SNX29: variants seen among roughly 807,000 people sequenced by gnomAD.
SNX29 encodes the protein sorting nexin 29.
A neutral mutation model predicts 102.1 loss-of-function variants in SNX29; 78 were observed. That is an observed-to-expected ratio of 0.76 (90% confidence interval 0.64 to 0.92). SNX29 has a LOEUF of 0.92. SNX29 is among the 40% of genes least tolerant of loss of function. The pLI, the probability that SNX29 is intolerant of heterozygous loss-of-function variation, is 0.00. For synonymous variants in SNX29, 580 were observed against 414.5 expected (o/e 1.40, Z -4.85); for missense variants, 1,280 against 1,061.7 (o/e 1.21, Z -2.86).
At position 12,554,839 on chromosome 16, in the gene SNX29, G is replaced by A. The variant is rs149796525; in HGVS notation, c.2319-13667G>A. On this transcript the variant is annotated intron_variant, in intron 20 of 20. Coordinates refer to ENST00000566228, the MANE Select transcript of SNX29 (RefSeq NM_032167.5). Reference sequence around the variant, plus strand: ...GCACCTGCTCTGTGCCATTCTTTCCGTAGGTGCCAGGGTGCTCAGGAAAGA... The same window carrying A: ...GCACCTGCTCTGTGCCATTCTTTCCATAGGTGCCAGGGTGCTCAGGAAAGA... Among the ~76,000 whole-genome samples the A allele has an allele frequency of 3.5e-4, 54 of 152,258 alleles. 1 individual carries two copies. In the East Asian group the frequency reaches 8.1e-3, roughly 23 times the overall value.
chr16:12,137,919 T>C (rs2054721605), intron 13 of SNX29, among the ~76,000 whole-genome samples: 3 of 152,224 alleles, frequency 2.0e-5, no homozygotes, highest in Admixed American at 2.0e-4. Context: ...ACACCTGCTC[T>C]GGCGGGAAAA....
chr16:12,459,839 A>AC (rs1244171899), intron 18 of SNX29, among the ~76,000 whole-genome samples: 1 of 151,876 alleles, frequency 6.6e-6, no homozygotes, highest in Non-Finnish European at 1.5e-5. Context: ...GTCCAGTAAT[A>AC]CCCCATTTCC....
chr16:12,524,737 C>T lies in SNX29; in HGVS notation c.2214C>T (p.Leu738=), dbSNP rs1226715309. The change falls in exon 20 of 21, where the codon CTC becomes CTT. Residue 738 remains leucine, a synonymous_variant. Coordinates refer to ENST00000566228, the MANE Select transcript of SNX29 (RefSeq NM_032167.5). ...TTGTGGAGGAACGGAGAAAGCAGCT[C>T]CAGAATTACCTGCGCAGCGTCATGA... is the stretch of plus-strand genomic sequence containing the variant. ...AKFVEERRKQ[L]QNYLRSVMNK... is the part of the protein sequence containing the mutation. The T allele has an allele frequency of 4.3e-6, 7 of 1,613,412 alleles. No homozygotes were observed. Among genetic ancestry groups the T allele is most frequent in the Non-Finnish European group, 5.9e-6 (7 of 1,179,754 alleles).
chr16:12,059,179 G>T (rs962542045), intron 8 of SNX29, among the ~76,000 whole-genome samples: 2 of 152,104 alleles, frequency 1.3e-5, no homozygotes, highest in African/African-American at 4.8e-5. Context: ...CATATGTTGC[G>T]GGGAAGGGTC....
In SNX29 at chr16:12,279,481, G is replaced by T. The variant is rs530944091; in HGVS notation, c.1782+1445G>T. ...CAGGCTGGGGAGGCCTGGGGACAGG[G>T]CACTCCTGTGTGCTCTCTGCCCAGT... On this transcript the variant is annotated intron_variant, in intron 15 of 20. Transcript: ENST00000566228. 1.2e-3 allele frequency among the ~76,000 whole-genome samples: 184 copies of T among 152,354 alleles called. 1 individual carries two copies. Among genetic ancestry groups the T allele is most frequent in the Middle Eastern group, 6.8e-3 (2 of 294 alleles).
intron 15 of SNX29, among the ~76,000 whole-genome samples, chr16:12,288,130 G>T (rs1217768985): frequency 6.6e-6 from 1 of 152,188 alleles, no homozygotes; most frequent in Non-Finnish European, 1.5e-5. Context: ...CAAGGCTGCA[G>T]TGAGCTATTG....
chr16:12,013,500 A>AAAAACATATATATATATATAT, intron 3 of SNX29, among the ~76,000 whole-genome samples: 2 of 31,630 alleles, frequency 6.3e-5, no homozygotes, highest in African/African-American at 2.0e-4. Flanking sequence ...AAAAAAAAAA[A>AAAAACATATATATATATATAT]ATATATATAT....
At chr16:12,084,239 G>A (rs780355155) in intron 11 of SNX29, among the ~76,000 whole-genome samples, 20 of 151,510 alleles carry the variant, frequency 1.3e-4, no homozygotes, top group Non-Finnish European at 2.8e-4. Flanking sequence ...TCCGCCTCCC[G>A]GATTCAGGCT....
rs3803607 is a variant in SNX29, at chr16:12,572,582, C to T, written c.*3953C>T. 3 of 1,063,968 alleles carry T rather than the reference C, an allele frequency of 2.8e-6. No individual in the cohort carries two copies. Among genetic ancestry groups the T allele is most frequent in the South Asian group, 9.1e-5 (2 of 21,980 alleles). 65.9% of individuals were successfully genotyped at this position (1,063,968 alleles called of 1,614,324 possible). ...TCACAGGGAGGTCCAGCCATGTTCTCTGGGCTCCCAGTGAGCCCCCTCCCC... is the reference window on the plus strand; with the variant it reads ...TCACAGGGAGGTCCAGCCATGTTCTTTGGGCTCCCAGTGAGCCCCCTCCCC... On this transcript the variant is annotated 3_prime_UTR_variant, in exon 21 of 21. Transcript: ENST00000566228.
chr16:12,549,524 C>T (rs1014563922), intron 20 of SNX29, among the ~76,000 whole-genome samples: 1 of 84,824 alleles, frequency 1.2e-5, no homozygotes, highest in Non-Finnish European at 2.0e-5. Flanking sequence ...TTTTCATCCT[C>T]TATCTCAAAT....
intron 20 of SNX29, among the ~76,000 whole-genome samples, chr16:12,544,429 G>A (rs1421387696): frequency 2.6e-5 from 4 of 152,154 alleles, no homozygotes; most frequent in African/African-American, 9.7e-5. Context: ...GGTGGGATTT[G>A]GACGTTTCTC....
intron 11 of SNX29, among the ~76,000 whole-genome samples, chr16:12,122,118 G>A (rs2053998221): frequency 1.3e-5 from 2 of 152,158 alleles, no homozygotes; most frequent in African/African-American, 4.8e-5. Context: ...GCCCGGCCAG[G>A]ATGGGTTTAT....
intron 18 of SNX29, among the ~76,000 whole-genome samples, chr16:12,438,140 G>C (rs549948573): frequency 6.6e-6 from 1 of 152,154 alleles, no homozygotes; most frequent in South Asian, 2.1e-4. Context: ...GGGAGGTGAG[G>C]GGGCAGGAGT....
chr16:12,068,016 A>T (rs1187073152), intron 9 of SNX29, among the ~76,000 whole-genome samples: 4 of 152,106 alleles, frequency 2.6e-5, no homozygotes, highest in Non-Finnish European at 5.9e-5. Context: ...CTTTTTAGAA[A>T]GCCGCAGACA....
intron 13 of SNX29, among the ~76,000 whole-genome samples, chr16:12,170,358 C>T (rs898287942): frequency 2.0e-5 from 3 of 151,896 alleles, no homozygotes; most frequent in East Asian, 1.9e-4. Context: ...GGCCGTGTAG[C>T]GTTTGTGGCA....
chr16:12,110,735 T>C (rs1293775522), intron 11 of SNX29, among the ~76,000 whole-genome samples: 2 of 152,162 alleles, frequency 1.3e-5, no homozygotes, highest in East Asian at 3.8e-4. Context: ...CAGTTTTCTG[T>C]TGACAGTCTG....
At chr16:12,353,170 G>T (rs897382796) in intron 15 of SNX29, among the ~76,000 whole-genome samples, 1 of 152,156 alleles carries the variant, frequency 6.6e-6, no homozygotes, top group African/African-American at 2.4e-5. Context: ...TCCTCCCTAA[G>T]ATCCTAGCAC....
chr16:12,418,053 A>G (rs1215066942), intron 18 of SNX29, among the ~76,000 whole-genome samples: 1 of 152,088 alleles, frequency 6.6e-6, no homozygotes. Context: ...TGCATGTGGG[A>G]TTTGTCTTAC....
chr16:12,561,825 C>G (rs887980093), intron 20 of SNX29, among the ~76,000 whole-genome samples: 1 of 152,092 alleles, frequency 6.6e-6, no homozygotes, highest in East Asian at 1.9e-4. Context: ...AGCTTACATC[C>G]TTCTCCCTGC....
Sources: allele counts gnomAD v4.1 joint callset (sites outside exome capture counted in the v4.1 genomes callset), GRCh38; gene constraint gnomAD v4.1.1; transcripts MANE v1.5; gene names NCBI Gene and HGNC (gene_info 2026-07-23, HGNC 2026-07-21).